SLC20A2: variants seen among roughly 807,000 people sequenced by gnomAD.
SLC20A2 encodes solute carrier family 20 member 2.
In SLC20A2, 30 loss-of-function variants were observed where a neutral mutation model predicts 61.0. That is an observed-to-expected ratio of 0.49 (90% CI 0.37 to 0.67). The LOEUF (loss-of-function observed/expected upper bound fraction) is 0.67, where lower values mean the gene tolerates loss of function less well. Among genes scored for constraint, SLC20A2 ranks in the 30% least tolerant of loss-of-function variants. The pLI is 0.00. For missense variants in SLC20A2, 626 were observed against 866.4 expected (o/e 0.72, Z 3.48); for synonymous variants, 351 against 353.3 (o/e 0.99, Z 0.07).
intron 5 of SLC20A2, among the ~76,000 whole-genome samples, chr8:42,459,658 T>A (rs758523095): frequency 6.6e-6 from 1 of 152,206 alleles, no homozygotes; most frequent in East Asian, 1.9e-4. Context: ...GCCTTTGTAC[T>A]CTACATATCT....
chr8:42,519,743 T>C (rs141782906), intron 1 of SLC20A2, among the ~76,000 whole-genome samples: 3 of 152,348 alleles, frequency 2.0e-5, no homozygotes, highest in Non-Finnish European at 4.4e-5. Context: ...GTCTTTATGT[T>C]GGCTTTTGAT....
chr8:42,433,374 A>G (rs1586011141), intron 8 of SLC20A2, among the ~76,000 whole-genome samples: 1 of 152,088 alleles, frequency 6.6e-6, no homozygotes, highest in African/African-American at 2.4e-5. Flanking sequence ...CCCAGGCTGG[A>G]GTGCAGTGAC....
chr8:42,524,786 CAAATAAATAAAT>C (rs138387549), intron 1 of SLC20A2, among the ~76,000 whole-genome samples: 1 of 147,638 alleles, frequency 6.8e-6, no homozygotes, highest in African/African-American at 2.5e-5. Context: ...AACTCCATCT[CAAATAAATAAAT>C]AAATAAATAA....
At position 42,444,701 on chromosome 8, in the gene SLC20A2, C is replaced by A; in HGVS notation, c.675G>T (p.Leu225=). 6.2e-7 allele frequency: 1 copy of A among 1,613,976 alleles called. No homozygotes were observed. Among genetic ancestry groups the A allele is most frequent in the Non-Finnish European group, 8.5e-7 (1 of 1,179,906 alleles). ...CGAAGAGCCACACAAAAAAAGCGAA[C>A]AGGAGGGCGACACCAAAGGAAATGA... is the stretch of plus-strand genomic sequence containing the variant. The part of the protein sequence containing the change: ...IALISFGVAL[L]FAFFVWLFVC... The change falls in exon 6 of 11, where the codon CTG becomes CTT. Residue 225 remains leucine (L), a synonymous_variant. Transcript: ENST00000520262.
At chr8:42,478,434 ACTCCTGAC>A (rs1808322933) in intron 1 of SLC20A2, among the ~76,000 whole-genome samples, 1 of 150,440 alleles carries the variant, frequency 6.6e-6, no homozygotes, top group African/African-American at 2.4e-5. Flanking sequence ...CTGGTCTTGA[ACTCCTGAC>A]CTCAAGTGAT....
At position 42,437,378 on chromosome 8, in the gene SLC20A2, C is replaced by A. The variant is rs114636687; in HGVS notation, c.1134G>T (p.Arg378=). The part of the protein sequence containing the change: ...EEKPAQESNY[R]LLRRNNSYTC... ...TGTAACTGTTGTTTCGGCGCAGCAG[C>A]CGGTAGTTGCTTTCCTGGGCTGGCT... The change falls in exon 8 of 11, where the codon CGG becomes CGT. Residue 378 remains arginine, a synonymous_variant. Coordinates refer to ENST00000520262, the MANE Select transcript of SLC20A2 (RefSeq NM_001257180.2). This position sits in a 1 kb window ranked among gnomAD's most constrained non-coding sequence, Gnocchi z 6.4. 679 of 1,614,164 alleles carry A rather than the reference C, an allele frequency of 4.2e-4. 4 individuals carry two copies. The African/African-American group carries it at 6.9e-3, about 16-fold the overall frequency.
intron 10 of SLC20A2, among the ~76,000 whole-genome samples, chr8:42,427,763 G>T (rs1241649000): frequency 6.6e-6 from 1 of 152,144 alleles, no homozygotes; most frequent in Admixed American, 6.6e-5. Flanking sequence ...ACTTGCCTTT[G>T]CTTGGCGTTG....
At chr8:42,541,510 G>A (rs1169839122) in intron 1 of SLC20A2, 1 of 123,068 alleles carries the variant, frequency 8.1e-6, no homozygotes, top group Non-Finnish European at 1.8e-5. Context: ...AAACTGAAAA[G>A]GGGAAAGGAA....
At chr8:42,485,604 T>C (rs1401125657) in intron 1 of SLC20A2, among the ~76,000 whole-genome samples, 2 of 129,450 alleles carry the variant, frequency 1.5e-5, no homozygotes, top group Non-Finnish European at 3.1e-5. Context: ...ACCGTGTTAT[T>C]GCATTCCAGC....
At chr8:42,508,517 A>G (rs1269709106) in intron 1 of SLC20A2, among the ~76,000 whole-genome samples, 2 of 152,072 alleles carry the variant, frequency 1.3e-5, no homozygotes, top group Non-Finnish European at 2.9e-5. Context: ...CAGCCTCCCG[A>G]GTAGCTGGGA....
intron 1 of SLC20A2, chr8:42,536,589 T>C (rs1812711655): frequency 6.6e-6 from 1 of 152,230 alleles, no homozygotes; most frequent in Non-Finnish European, 1.5e-5. Flanking sequence ...CTGTTCTTCA[T>C]CTTGCTGAAA....
rs535945356 is a variant in SLC20A2, at chr8:42,533,349, C to T, written c.-265+8472G>A. On this transcript the variant is annotated intron_variant, in intron 1 of 10. Transcript: ENST00000342228. ...GTGCCTATTGGGCCAGGTGCAGTGG[C>T]TCACACCTGTAATCCCAGCACTTTG... 2.0e-5 allele frequency among the ~76,000 whole-genome samples: 3 copies of T among 152,270 alleles called. No individual in the cohort carries two copies. In the South Asian group the frequency reaches 6.2e-4, roughly 32 times the overall value.
intron 7 of SLC20A2, among the ~76,000 whole-genome samples, chr8:42,438,039 A>T: frequency 7.5e-6 from 1 of 133,338 alleles, no homozygotes; most frequent in Non-Finnish European, 1.6e-5. Context: ...GACATGTAAT[A>T]TGGTTACCAC....
At chr8:42,504,008 T>C (rs1810481704), upstream of SLC20A2, among the ~76,000 whole-genome samples, 1 of 152,216 alleles carries the variant, frequency 6.6e-6, no homozygotes, top group African/African-American at 2.4e-5. Flanking sequence ...GGCACAATCA[T>C]GGCTCACTGC....
At position 42,472,132 on chromosome 8, in the gene SLC20A2, G is replaced by C. The variant is rs1807688573; in HGVS notation, c.259C>G (p.Leu87Val). 6.2e-7 allele frequency: 1 copy of C among 1,613,412 alleles called. No homozygotes were observed. The highest frequency in any genetic ancestry group is 1.1e-5 in the South Asian group (1 of 91,054). Residue 87 changes from leucine to valine, a missense_variant, in exon 2 of 11, where the codon CTC becomes GTC. By Grantham distance (32) the Leu-to-Val change is conservative. Around this residue, in one of 3 missense-constraint regions of SLC20A2, gnomAD observed 127 missense variants for 215.4 expected, o/e 0.59. Transcript: ENST00000520262. This position sits in a 1 kb window ranked among gnomAD's most constrained non-coding sequence, Gnocchi z 4.1. ...VNLYNETVET[L>V]MAGEVSAMVG... ...ATGGCACTAACTTCCCCAGCCATGA[G>C]AGTCTCCACCGTCTCGTTGTACAGG... is the stretch of plus-strand genomic sequence containing the variant.
chr8:42,451,818 A>G (rs1205074656), intron 5 of SLC20A2, among the ~76,000 whole-genome samples: 80 of 110,264 alleles, frequency 7.3e-4, no homozygotes, highest in African/African-American at 1.3e-3. Context: ...GGAGGAGGAG[A>G]AGGAAGAGAT....
intron 1 of SLC20A2, among the ~76,000 whole-genome samples, chr8:42,495,261 T>C (rs1402811459): frequency 6.6e-6 from 1 of 152,228 alleles, no homozygotes; most frequent in Non-Finnish European, 1.5e-5. Flanking sequence ...TATTTAGTAA[T>C]TCCTCTTTGT....
intron 1 of SLC20A2, among the ~76,000 whole-genome samples, chr8:42,530,828 G>A (rs1812273430): frequency 6.6e-6 from 1 of 152,126 alleles, no homozygotes; most frequent in Admixed American, 6.5e-5. Flanking sequence ...GGATTCTCCT[G>A]CTTCAGCCTC....
At chr8:42,499,254 C>A (rs1420029692) in intron 1 of SLC20A2, among the ~76,000 whole-genome samples, 2 of 152,180 alleles carry the variant, frequency 1.3e-5, no homozygotes, top group Non-Finnish European at 2.9e-5. Flanking sequence ...TAGAGCTCAT[C>A]ATGATTTGTC....
Sources: gnomAD v4.1 joint callset for allele counts (sites outside exome capture counted in the v4.1 genomes callset) on GRCh38, gnomAD v4.1.1 for gene constraint, gnomAD v4.1.1 regional missense constraint, Gnocchi (gnomAD v3.1) non-coding constraint, MANE v1.5 for transcripts, NCBI Gene and HGNC (gene_info 2026-07-23, HGNC 2026-07-21) for gene names.